Variants in ASIC2 observed in about 807,000 individuals in gnomAD.
ASIC2 encodes the protein acid sensing ion channel subunit 2.
In ASIC2, 25 loss-of-function variants were observed where a neutral mutation model predicts 57.3. The observed-to-expected ratio is 0.44, with a 90% CI of 0.32 to 0.61. The LOEUF is 0.61. Ranked by LOEUF, ASIC2 falls within the 20% of genes least tolerant of loss-of-function variation. The pLI, the probability that ASIC2 is intolerant of heterozygous loss-of-function variation, is 0.06. For missense variants in ASIC2, 641 were observed against 738.1 expected (o/e 0.87, Z 1.52); for synonymous variants, 319 against 307.5 (o/e 1.04, Z -0.39).
intron 1 of ASIC2, among the ~76,000 whole-genome samples, chr17:33,564,445 G>A (rs965205974): frequency 6.6e-6 from 1 of 152,214 alleles, no homozygotes; most frequent in African/African-American, 2.4e-5. Context: ...TTTGCCAGCA[G>A]CACCAGTACA....
intron 1 of ASIC2, among the ~76,000 whole-genome samples, chr17:33,500,172 T>C (rs559776286): frequency 2.4e-4 from 36 of 152,278 alleles, no homozygotes; most frequent in Admixed American, 1.0e-3. Flanking sequence ...GAACTGTAAG[T>C]AGGAATACAT....
At chr17:33,535,860 C>T (rs1915211567) in intron 1 of ASIC2, among the ~76,000 whole-genome samples, 1 of 152,344 alleles carries the variant, frequency 6.6e-6, no homozygotes, top group Admixed American at 6.5e-5. Context: ...CTACTCCAGC[C>T]TCCCCACACA....
At chr17:33,035,255 T>A (rs1184552628) in intron 3 of ASIC2, among the ~76,000 whole-genome samples, 1 of 152,212 alleles carries the variant, frequency 6.6e-6, no homozygotes, top group Non-Finnish European at 1.5e-5. Flanking sequence ...TGATTGTTAT[T>A]GTAAAGTTGC....
chr17:33,758,551 G>A lies in ASIC2; in HGVS notation c.555+397427C>T, dbSNP rs182515428. Among the ~76,000 whole-genome samples the A allele has an allele frequency of 3.3e-5, 5 of 152,242 alleles. No individual in the cohort carries two copies. In the East Asian group the frequency reaches 9.7e-4, roughly 29 times the overall value. On this transcript the variant is annotated intron_variant, in intron 1 of 9. Transcript: ENST00000359872. Reference sequence around the variant, plus strand: ...GTGGTAGAATACATTAAGAGGTGGGGCCTTTAACAGGTGATTGAACAACAA... The same window carrying A: ...GTGGTAGAATACATTAAGAGGTGGGACCTTTAACAGGTGATTGAACAACAA...
intron 1 of ASIC2, among the ~76,000 whole-genome samples, chr17:33,244,979 TAACAAA>T (rs1908638857): frequency 2.0e-5 from 3 of 152,218 alleles, no homozygotes; most frequent in African/African-American, 4.8e-5. Context: ...CTCATCCACA[TAACAAA>T]AGCGTTAAAC....
intron 1 of ASIC2, among the ~76,000 whole-genome samples, chr17:33,817,819 G>A (rs1045946538): frequency 6.6e-6 from 1 of 152,146 alleles, no homozygotes; most frequent in Non-Finnish European, 1.5e-5. Context: ...CAGCATCAAC[G>A]GGGGCAGCTT....
At chr17:33,679,293 TC>T (rs1907925597) in intron 1 of ASIC2, among the ~76,000 whole-genome samples, 1 of 152,202 alleles carries the variant, frequency 6.6e-6, no homozygotes, top group African/African-American at 2.4e-5. Flanking sequence ...TAGTGTTTAT[TC>T]CAATCACCCC....
intron 1 of ASIC2, among the ~76,000 whole-genome samples, chr17:34,008,641 A>T (rs1906610087): frequency 6.6e-6 from 1 of 152,130 alleles, no homozygotes; most frequent in African/African-American, 2.4e-5. Flanking sequence ...ATACATATCT[A>T]GGAATTTGTT....
chr17:34,099,100 A>G (rs993500431), intron 1 of ASIC2, among the ~76,000 whole-genome samples: 13 of 75,308 alleles, frequency 1.7e-4, no homozygotes, highest in African/African-American at 8.8e-4. Flanking sequence ...ATTAAGAGAG[A>G]AAAGAGAGAG....
intron 3 of ASIC2, among the ~76,000 whole-genome samples, chr17:33,032,263 T>C (rs1321465379): frequency 6.6e-6 from 1 of 152,152 alleles, no homozygotes; most frequent in Non-Finnish European, 1.5e-5. Flanking sequence ...CCATTGAGTT[T>C]CAATTTATAG....
At chr17:34,155,875 C>T in intron 1 of ASIC2, 1 of 1,362,496 alleles carries the variant, frequency 7.3e-7, no homozygotes, top group East Asian at 2.4e-5. Flanking sequence ...ACTGCTCTCT[C>T]TCCTGTCCCA....
intron 1 of ASIC2, among the ~76,000 whole-genome samples, chr17:33,420,486 G>A (rs1174004526): frequency 6.6e-6 from 1 of 152,106 alleles, no homozygotes; most frequent in Non-Finnish European, 1.5e-5. Flanking sequence ...GGTATGGAGT[G>A]GTAAATGAAA....
intron 1 of ASIC2, among the ~76,000 whole-genome samples, chr17:33,405,771 C>G (rs1910452433): frequency 6.6e-6 from 1 of 152,042 alleles, no homozygotes; most frequent in Non-Finnish European, 1.5e-5. Context: ...CTTGAGCCAC[C>G]ACACCGGGCC....
chr17:33,175,558 T>C (rs1356727002), intron 1 of ASIC2, among the ~76,000 whole-genome samples: 1 of 152,096 alleles, frequency 6.6e-6, no homozygotes, highest in Non-Finnish European at 1.5e-5. Context: ...TGTGTAGTAT[T>C]GCGGCGCTTG....
At chr17:33,807,884 A>G (rs973449341) in intron 1 of ASIC2, among the ~76,000 whole-genome samples, 1 of 152,186 alleles carries the variant, frequency 6.6e-6, no homozygotes, top group Non-Finnish European at 1.5e-5. Context: ...TTTTAAAAAT[A>G]TGTTGTTTTA....
chr17:33,065,576 C>T (rs1053124746), intron 3 of ASIC2, among the ~76,000 whole-genome samples: 1 of 151,980 alleles, frequency 6.6e-6, no homozygotes, highest in African/African-American at 2.4e-5. Flanking sequence ...CTTGGCCTCC[C>T]AAATGATTGA....
chr17:34,078,544 C>T (rs1040348014), intron 1 of ASIC2, among the ~76,000 whole-genome samples: 4 of 152,110 alleles, frequency 2.6e-5, no homozygotes, highest in East Asian at 3.9e-4. Context: ...AGGTAATTAG[C>T]TCCCTTCCCT....
chr17:34,004,327 C>T (rs1189713934), intron 1 of ASIC2: 8 of 152,212 alleles, frequency 5.3e-5, no homozygotes, highest in Non-Finnish European at 8.8e-5. Context: ...GTTCTGCATC[C>T]ACCATCCCCT....
At chr17:33,991,676 GATATTCCCCACCA>G (rs1906004200) in intron 1 of ASIC2, among the ~76,000 whole-genome samples, 2 of 152,154 alleles carry the variant, frequency 1.3e-5, no homozygotes, top group Non-Finnish European at 2.9e-5. Flanking sequence ...AACTGCACCT[GATATTCCCCACCA>G]ACTAAGGCAG....
Sources: gnomAD v4.1 joint callset for allele counts (sites outside exome capture counted in the v4.1 genomes callset) on GRCh38, gnomAD v4.1.1 for gene constraint, MANE v1.5 for transcripts, NCBI Gene and HGNC (gene_info 2026-07-23, HGNC 2026-07-21) for gene names.